SLC49A4: variants seen among roughly 807,000 people sequenced by gnomAD.
The protein encoded by SLC49A4 is disrupted in renal cancer protein 2.
In SLC49A4, 36 loss-of-function variants were observed where a neutral mutation model predicts 50.6. The ratio of observed to expected loss-of-function variants is 0.71; its 90% CI spans 0.55 to 0.94. SLC49A4 has a LOEUF of 0.94. SLC49A4 is among the 40% of genes least tolerant of loss of function. The probability of loss-of-function intolerance (pLI) is 0.00; values close to 1 mark genes in which losing one functional copy is unlikely to be tolerated. For synonymous variants in SLC49A4, 248 were observed against 241.2 expected, an observed-to-expected ratio of 1.03 and a Z score of -0.26; for missense variants, 503 against 605.7, an observed-to-expected ratio of 0.83 and a Z score of 1.78.
At chr3:122,870,515 T>C (rs1218021645) in intron 7 of SLC49A4, among the ~76,000 whole-genome samples, 1 of 151,184 alleles carries the variant, frequency 6.6e-6, no homozygotes, top group Non-Finnish European at 1.5e-5. Flanking sequence ...GCTTGATCGA[T>C]AGATTATTCT....
Position 122,859,971 on chromosome 3 carries a change from G to T in SLC49A4, c.1011-104G>T, listed in dbSNP as rs1403485952. 4 of 1,031,728 alleles carry T rather than the reference G, an allele frequency of 3.9e-6. No homozygotes were observed. In the East Asian group the frequency reaches 1.1e-4, roughly 30 times the overall value. 63.9% of individuals were successfully genotyped at this position (1,031,728 alleles called of 1,614,324 possible). On this transcript the variant is annotated intron_variant, in intron 6 of 8. Coordinates refer to ENST00000261038, the MANE Select transcript of SLC49A4 (RefSeq NM_032839.3). Reference sequence around the variant, plus strand: ...AAACACTGAAAACTGTCTTTTAAAAGAATATATGGAAAATTCCTCAAGTAG... The same window carrying T: ...AAACACTGAAAACTGTCTTTTAAAATAATATATGGAAAATTCCTCAAGTAG...
At chr3:122,878,779 G>A (rs1169052707) in intron 8 of SLC49A4, among the ~76,000 whole-genome samples, 1 of 152,020 alleles carries the variant, frequency 6.6e-6, no homozygotes, top group East Asian at 1.9e-4. Flanking sequence ...CTATTTTACA[G>A]TGATTTCTAC....
chr3:122,795,358 C>G lies in SLC49A4; in HGVS notation c.166C>G (p.Leu56Val), dbSNP rs754007252. 2.5e-6 allele frequency: 4 copies of G among 1,589,840 alleles called. No individual in the cohort carries two copies. The highest frequency in any genetic ancestry group is 3.4e-6 in the Non-Finnish European group (4 of 1,173,564). ...RVYGRRWLVL[L>V]LFSLLAFVQG... The stretch of plus-strand genomic sequence containing the variant: ...ATACGGGCGCCGCTGGCTGGTGCTG[C>G]TGCTCTTCTCGCTGCTGGCGTTCGT... The change falls in exon 1 of 9, where the codon CTG becomes GTG. Residue 56 changes from leucine to valine, a missense_variant. Coordinates refer to ENST00000261038, the MANE Select transcript of SLC49A4 (RefSeq NM_032839.3).
intron 1 of SLC49A4, among the ~76,000 whole-genome samples, chr3:122,804,678 T>C (rs1201176294): frequency 6.6e-6 from 1 of 152,198 alleles, no homozygotes; most frequent in Non-Finnish European, 1.5e-5. Context: ...GGAGATGGGG[T>C]CTCACTATGT....
intron 1 of SLC49A4, among the ~76,000 whole-genome samples, chr3:122,803,383 T>A (rs1302675862): frequency 1.3e-5 from 2 of 152,148 alleles, no homozygotes; most frequent in Non-Finnish European, 2.9e-5. Flanking sequence ...GGAAGGTTTC[T>A]GGAGTTGAGG....
At chr3:122,845,549 T>A (rs545071143) in intron 4 of SLC49A4, among the ~76,000 whole-genome samples, 17 of 152,018 alleles carry the variant, frequency 1.1e-4, no homozygotes, top group South Asian at 2.1e-4. Context: ...GCTGAACCAA[T>A]TTACACTTCA....
At chr3:122,837,996 A>C (rs1936714286) in intron 4 of SLC49A4, among the ~76,000 whole-genome samples, 1 of 152,218 alleles carries the variant, frequency 6.6e-6, no homozygotes, top group African/African-American at 2.4e-5. Context: ...TGCAAATCAA[A>C]ACCACAATGA....
Position 122,851,143 on chromosome 3 carries a change from A to G in SLC49A4, c.943-5164A>G, listed in dbSNP as rs373614992. Among the ~76,000 whole-genome samples, 149 of 152,320 alleles carry G rather than the reference A, an allele frequency of 9.8e-4. No homozygotes were observed. The East Asian group carries it at 0.012, about 12-fold the overall frequency. On this transcript the variant is annotated intron_variant, in intron 5 of 8. Coordinates refer to ENST00000261038, the MANE Select transcript of SLC49A4 (RefSeq NM_032839.3). ...ATCTTTCAGGCTATTACTGTCATAT[A>G]TTTTAACTGCACAAGACATTATTGT...
intron 2 of SLC49A4, among the ~76,000 whole-genome samples, chr3:122,814,224 C>T (rs750156931): frequency 4.6e-5 from 7 of 152,084 alleles, no homozygotes; most frequent in East Asian, 1.9e-4. Context: ...GCCGAGATTG[C>T]GCCACTGCAC....
intron 2 of SLC49A4, among the ~76,000 whole-genome samples, chr3:122,807,766 A>G (rs1385788372): frequency 6.6e-6 from 1 of 152,162 alleles, no homozygotes; most frequent in Non-Finnish European, 1.5e-5. Context: ...TCTACAGATT[A>G]AGGTGTAAGA....
intron 1 of SLC49A4, among the ~76,000 whole-genome samples, chr3:122,802,257 T>G (rs1936144813): frequency 1.3e-5 from 2 of 152,314 alleles, no homozygotes; most frequent in African/African-American, 4.8e-5. Flanking sequence ...TATGACTGCT[T>G]CAGTTTACCA....
chr3:122,878,230 C>CA (rs1222039084), intron 8 of SLC49A4, among the ~76,000 whole-genome samples: 2 of 151,844 alleles, frequency 1.3e-5, no homozygotes. Flanking sequence ...TAACAGTGAC[C>CA]AAAAAAGAAA....
chr3:122,842,001 A>T (rs1243028468), intron 4 of SLC49A4, among the ~76,000 whole-genome samples: 1 of 152,236 alleles, frequency 6.6e-6, no homozygotes, highest in Non-Finnish European at 1.5e-5. Context: ...GACAGTTTAA[A>T]ATGATCGTTT....
chr3:122,856,219 C>A (rs1429863985), intron 5 of SLC49A4, 88 bp from the exon 6 acceptor site: 3 of 1,206,718 alleles, frequency 2.5e-6, no homozygotes, highest in African/African-American at 3.0e-5. Context: ...TAGCTACTAA[C>A]ATATTGATTA....
At chr3:122,810,643 T>G in intron 2 of SLC49A4, among the ~76,000 whole-genome samples, 1 of 152,244 alleles carries the variant, frequency 6.6e-6, no homozygotes, top group East Asian at 1.9e-4. Flanking sequence ...ATTACGTAGG[T>G]AAACATGTGC....
At chr3:122,853,929 A>C (rs1936954891) in intron 5 of SLC49A4, among the ~76,000 whole-genome samples, 1 of 152,234 alleles carries the variant, frequency 6.6e-6, no homozygotes, top group Non-Finnish European at 1.5e-5. Flanking sequence ...GCAATTTTTT[A>C]AATTTTTAAA....
chr3:122,845,787 T>C lies in SLC49A4; in HGVS notation c.858T>C (p.Ala286=). ...LLSNFRFLMI[A]LAYAIPLGVF... is the part of the protein sequence containing the mutation. ...GCAATTTTCGATTTTTGATGATTGC[T>C]TTAGCATATGCCATACCACTTGGTG... Residue 286 remains alanine (A), a synonymous_variant, in exon 5 of 9, where the codon GCT becomes GCC. Transcript: ENST00000261038. The C allele has an allele frequency of 1.9e-6, 3 of 1,604,494 alleles. No individual in the cohort carries two copies. The highest frequency in any genetic ancestry group is 2.6e-6 in the Non-Finnish European group (3 of 1,175,948).
intron 1 of SLC49A4, among the ~76,000 whole-genome samples, chr3:122,805,074 G>A (rs755835094): frequency 1.4e-4 from 21 of 151,970 alleles, no homozygotes; most frequent in South Asian, 2.1e-4. Flanking sequence ...TCAGTATCTC[G>A]TAGGGTACCC....
chr3:122,824,617 TTCTC>T (rs1487657605), intron 2 of SLC49A4, among the ~76,000 whole-genome samples: 2 of 151,458 alleles, frequency 1.3e-5, no homozygotes, highest in African/African-American at 2.4e-5. Flanking sequence ...TTTCTTTTCT[TTCTC>T]TTTCTTTCTT....
Sources: allele counts gnomAD v4.1 joint callset (sites outside exome capture counted in the v4.1 genomes callset), GRCh38; gene constraint gnomAD v4.1.1; transcripts MANE v1.5; gene names NCBI Gene and HGNC (gene_info 2026-07-23, HGNC 2026-07-21).